THTPA: variants seen among roughly 807,000 people sequenced by gnomAD.
THTPA encodes the protein thiamine triphosphatase.
Under a neutral mutation model 16.5 loss-of-function variants are expected in THTPA, and 16 were observed. That is an observed-to-expected ratio of 0.97 (90% CI 0.66 to 1.47). The LOEUF is 1.47. THTPA is among the 40% of genes most tolerant of loss of function. THTPA has a pLI of 0.00. For synonymous variants in THTPA, 110 were observed against 115.5 expected, an observed-to-expected ratio of 0.95 and a Z score of 0.30; for missense variants, 281 against 280.9, an observed-to-expected ratio of 1.00 and a Z score of 0.00.
chr14:23,540,774 G>A, the THTPA span, among the ~76,000 whole-genome samples: 8 of 152,238 alleles, frequency 5.3e-5, no homozygotes, highest in African/African-American at 1.9e-4. Context: ...TAGGTAACGT[G>A]TAAAGTGCAT....
At chr14:23,515,076 C>T in the THTPA span, among the ~76,000 whole-genome samples, 10 of 152,250 alleles carry the variant, frequency 6.6e-5, no homozygotes, top group Admixed American at 3.9e-4. Flanking sequence ...CCTTGGACAA[C>T]AAGAACAACA....
At chr14:23,542,745 CTT>C in the THTPA span, among the ~76,000 whole-genome samples, 1 of 145,850 alleles carries the variant, frequency 6.9e-6, no homozygotes, top group African/African-American at 2.5e-5. Flanking sequence ...GGAAAACATT[CTT>C]TTTTTTTTTT....
At chr14:23,531,643 G>T in the THTPA span, 1 of 1,517,250 alleles carries the variant, frequency 6.6e-7, no homozygotes, top group Non-Finnish European at 8.8e-7. Context: ...AAGCGGGAGG[G>T]TGTCTCCCAC....
Position 23,560,110 on chromosome 14 carries a change from T to G in THTPA, c.*1270T>G. ...AGGCAGCCCCTCTATACTCAGTGGC[T>G]CCACACCCTTTTCCTGTAACTCCCC... On this transcript the variant is annotated 3_prime_UTR_variant, in exon 2 of 2. Coordinates refer to ENST00000288014, the MANE Select transcript of THTPA (RefSeq NM_024328.6). The G allele has an allele frequency of 7.1e-7, 1 of 1,413,692 alleles. No individual in the cohort carries two copies. Among genetic ancestry groups the G allele is most frequent in the Non-Finnish European group, 9.8e-7 (1 of 1,019,490 alleles). 87.6% of individuals were successfully genotyped at this position (1,413,692 alleles called of 1,614,324 possible). A position where few individuals can be genotyped will look rare whatever the true frequency, so the allele number is the denominator to read the frequency against.
the THTPA span, among the ~76,000 whole-genome samples, chr14:23,550,507 T>C: frequency 6.6e-6 from 1 of 152,120 alleles, no homozygotes; most frequent in African/African-American, 2.4e-5. Context: ...GTGGAGACAG[T>C]GACATACAGA....
At chr14:23,531,356 T>TTTAG in the THTPA span, 6 of 1,272,818 alleles carry the variant, frequency 4.7e-6, no homozygotes, top group Non-Finnish European at 6.0e-6. Flanking sequence ...CTTCTTCCCA[T>TTTAG]TTAGTATAGG....
the THTPA span, chr14:23,525,268 C>T: frequency 6.5e-7 from 1 of 1,536,120 alleles, no homozygotes; most frequent in South Asian, 1.2e-5. The surrounding 1 kb of genome is among the most constrained non-coding windows in gnomAD (Gnocchi z 5.9). Flanking sequence ...TCCCCCCTGC[C>T]TCAGGCTCTG....
At chr14:23,543,857 A>G in the THTPA span, 5 of 152,106 alleles carry the variant, frequency 3.3e-5, no homozygotes, top group African/African-American at 1.2e-4. Context: ...AACAAAAAAA[A>G]ATAGCCTTTA....
chr14:23,518,776 G>T, the THTPA span, among the ~76,000 whole-genome samples: 2 of 151,890 alleles, frequency 1.3e-5, no homozygotes, highest in Non-Finnish European at 2.9e-5. The surrounding 1 kb of genome is among the most constrained non-coding windows in gnomAD (Gnocchi z 4.5). Flanking sequence ...TACTCCACAG[G>T]AGAAATACCA....
the THTPA span, chr14:23,526,616 A>C: frequency 6.5e-7 from 1 of 1,535,948 alleles, no homozygotes; most frequent in South Asian, 1.2e-5. Flanking sequence ...TGGGACCTCA[A>C]CTGAGGCCAG....
chr14:23,522,717 A>T, the THTPA span: 14 of 1,536,426 alleles, frequency 9.1e-6, no homozygotes, highest in Non-Finnish European at 1.2e-5. Flanking sequence ...TCATTGGAGG[A>T]GCTGGTGGGG....
At chr14:23,533,491 A>C in the THTPA span, 1 of 1,536,042 alleles carries the variant, frequency 6.5e-7, no homozygotes, top group African/African-American at 1.4e-5. The surrounding 1 kb of genome is among the most constrained non-coding windows in gnomAD (Gnocchi z 4.8). Flanking sequence ...TGGCCCCATC[A>C]ATCCAGGTGG....
chr14:23,525,826 GA>G, the THTPA span: 1 of 1,458,508 alleles, frequency 6.9e-7, no homozygotes, highest in Non-Finnish European at 9.0e-7. This position sits in a 1 kb window ranked among gnomAD's most constrained non-coding sequence, Gnocchi z 5.9. Context: ...GCCCCACCTT[GA>G]GATCGTGGAG....
At chr14:23,533,574 C>T in the THTPA span, 2 of 1,536,568 alleles carry the variant, frequency 1.3e-6, no homozygotes, top group Non-Finnish European at 8.7e-7. This position sits in a 1 kb window ranked among gnomAD's most constrained non-coding sequence, Gnocchi z 4.8. Flanking sequence ...TATGGATGCG[C>T]AGGTTACGGG....
chr14:23,524,931 C>T, the THTPA span: 70 of 1,536,278 alleles, frequency 4.6e-5, no homozygotes, highest in African/African-American at 1.9e-4. The surrounding 1 kb of genome is among the most constrained non-coding windows in gnomAD (Gnocchi z 5.6). Flanking sequence ...CGCCTGCAGC[C>T]GGAGGCTCCC....
At chr14:23,549,225 T>A in the THTPA span, among the ~76,000 whole-genome samples, 1 of 152,170 alleles carries the variant, frequency 6.6e-6, no homozygotes, top group Non-Finnish European at 1.5e-5. Flanking sequence ...GTTCCTCCCC[T>A]GCCCCCGAGT....
At chr14:23,543,193 T>G in the THTPA span, 1 of 152,278 alleles carries the variant, frequency 6.6e-6, no homozygotes, top group African/African-American at 2.4e-5. Context: ...CCAGGCACCG[T>G]GCTAGGCCCT....
chr14:23,532,857 T>C, the THTPA span: 2 of 1,536,198 alleles, frequency 1.3e-6, no homozygotes, highest in Non-Finnish European at 1.7e-6. Context: ...CAGCGGTGGG[T>C]GTCACCAGCC....
At chr14:23,520,433 A>G in the THTPA span, among the ~76,000 whole-genome samples, 2 of 152,080 alleles carry the variant, frequency 1.3e-5, no homozygotes. The surrounding 1 kb of genome is among the most constrained non-coding windows in gnomAD (Gnocchi z 8.7). Context: ...AGAAAGGTAA[A>G]TGCAAGGAGA....
Sources: gnomAD v4.1 joint callset for allele counts (sites outside exome capture counted in the v4.1 genomes callset) on GRCh38, gnomAD v4.1.1 for gene constraint, Gnocchi (gnomAD v3.1) non-coding constraint, MANE v1.5 for transcripts, NCBI Gene and HGNC (gene_info 2026-07-23, HGNC 2026-07-21) for gene names.